The following PPP1CC variants were observed in gnomAD, a reference collection of about 807,000 sequenced individuals.
PPP1CC encodes serine/threonine-protein phosphatase PP1-gamma catalytic subunit.
In PPP1CC, 16 loss-of-function variants were observed where a neutral mutation model predicts 38.4. The ratio of observed to expected loss-of-function variants is 0.42; its 90% CI spans 0.28 to 0.63. PPP1CC has a LOEUF of 0.63. PPP1CC is among the 30% of genes least tolerant of loss of function. PPP1CC has a pLI of 0.25. For synonymous variants in PPP1CC, 158 were observed against 136.0 expected, an observed-to-expected ratio of 1.16 and a Z score of -1.13; for missense variants, 170 against 391.3, an observed-to-expected ratio of 0.43 and a Z score of 4.77.
intron 3 of PPP1CC, among the ~76,000 whole-genome samples, chr12:110,726,883 C>T (rs1030482856): frequency 2.6e-5 from 4 of 152,196 alleles, no homozygotes; most frequent in South Asian, 2.1e-4. Context: ...AAAAACAGAG[C>T]TGCTGTCTTA....
At chr12:110,736,905 A>T (rs1354182110) in intron 1 of PPP1CC, among the ~76,000 whole-genome samples, 3 of 152,238 alleles carry the variant, frequency 2.0e-5, no homozygotes, top group Non-Finnish European at 4.4e-5. Flanking sequence ...GCTGAATTCT[A>T]ATGAAGTTTC....
intron 4 of PPP1CC, among the ~76,000 whole-genome samples, chr12:110,724,238 AAAAAACAAAAAC>A (rs1164158743): frequency 6.6e-6 from 1 of 151,930 alleles, no homozygotes; most frequent in East Asian, 1.9e-4. Context: ...ACTCTGTCTC[AAAAAACAAAAAC>A]AAAAACAAAA....
intron 1 of PPP1CC, among the ~76,000 whole-genome samples, chr12:110,737,494 A>AG (rs2069959049): frequency 4.0e-5 from 6 of 150,694 alleles, no homozygotes; most frequent in African/African-American, 1.2e-4. Flanking sequence ...AAAAAAAAAA[A>AG]AAAAAAAGAA....
chr12:110,710,561 A>T, the PPP1CC span, among the ~76,000 whole-genome samples: 1 of 151,710 alleles, frequency 6.6e-6, no homozygotes, highest in African/African-American at 2.4e-5. Flanking sequence ...TACTAAAAAT[A>T]CAAAAAATTA....
chr12:110,730,807 A>G (rs1014329428), intron 2 of PPP1CC, 48 bp from the exon 3 acceptor site: 26 of 1,243,564 alleles, frequency 2.1e-5, no homozygotes, highest in Non-Finnish European at 2.7e-5. Flanking sequence ...TTAAAGCTCA[A>G]TCCACTAACA....
chr12:110,739,478 A>G (rs1478374531), intron 1 of PPP1CC, among the ~76,000 whole-genome samples: 1 of 152,002 alleles, frequency 6.6e-6, no homozygotes, highest in Non-Finnish European at 1.5e-5. Flanking sequence ...AACGTTTTAT[A>G]CTGCATCAAA....
At chr12:110,730,064 G>A (rs2069854441) in intron 3 of PPP1CC, among the ~76,000 whole-genome samples, 1 of 152,176 alleles carries the variant, frequency 6.6e-6, no homozygotes, top group Admixed American at 6.5e-5. Context: ...TTCTACCCAA[G>A]AGAGAAAAAA....
intron 4 of PPP1CC, among the ~76,000 whole-genome samples, 171 bp downstream of exon 4, chr12:110,724,489 A>G (rs2069773314): frequency 6.6e-6 from 1 of 152,216 alleles, no homozygotes; most frequent in Non-Finnish European, 1.5e-5. Flanking sequence ...ATTCCTTAAG[A>G]TTTTTATCCA....
rs866333472 is a variant in PPP1CC, at chr12:110,720,186, G to A, written c.*890C>T. The A allele has an allele frequency of 6.4e-6, 10 of 1,553,616 alleles. No homozygotes were observed. Among genetic ancestry groups the A allele is most frequent in the East Asian group, 2.3e-5 (1 of 43,078 alleles). On this transcript the variant is annotated 3_prime_UTR_variant, in exon 7 of 7. Coordinates refer to ENST00000335007, the MANE Select transcript of PPP1CC (RefSeq NM_002710.4). ...ATAATTTGAAGCTTTCTGAATGGAC[G>A]GGTTCAGGCCTGATGCAACTGTAAA...
chr12:110,711,400 T>C, the PPP1CC span, among the ~76,000 whole-genome samples: 1 of 151,474 alleles, frequency 6.6e-6, no homozygotes, highest in Non-Finnish European at 1.5e-5. Context: ...ATAAATAAAT[T>C]GGCAAAATTT....
chr12:110,728,171 G>A (rs569761859), intron 3 of PPP1CC, among the ~76,000 whole-genome samples: 1 of 151,950 alleles, frequency 6.6e-6, no homozygotes, highest in African/African-American at 2.4e-5. Context: ...AAGCAGAGGC[G>A]GGCGGATCAT....
chr12:110,730,552 C>T lies in PPP1CC; in HGVS notation c.395G>A (p.Arg132Lys). Reference protein sequence around the residue: ...RGNHECASINRIYGFYDECKR... With the variant: ...RGNHECASINKIYGFYDECKR... ...ACATTCATCATAAAATCCATAAATT[C>T]TGTTGATGCTGGCACATTCATGGTT... Residue 132 changes from arginine (R) to lysine (K), a missense_variant, in exon 3 of 7, where the codon AGA (arginine) becomes AAA (lysine). This residue lies in a region of PPP1CC where 117 missense variants were observed against 344.4 expected (regional missense o/e 0.34). Transcript: ENST00000335007. The T allele has an allele frequency of 6.2e-7, 1 of 1,609,614 alleles. No individual in the cohort carries two copies. Among genetic ancestry groups the T allele is most frequent in the Non-Finnish European group, 8.5e-7 (1 of 1,178,556 alleles).
chr12:110,719,469 T>C (rs896965476), downstream of PPP1CC, among the ~76,000 whole-genome samples: 1 of 152,158 alleles, frequency 6.6e-6, no homozygotes, highest in Admixed American at 6.5e-5. Flanking sequence ...TTAAGATACA[T>C]ACTTGTGACA....
intron 1 of PPP1CC, among the ~76,000 whole-genome samples, chr12:110,733,797 A>G (rs963125568): frequency 1.3e-5 from 2 of 152,170 alleles, no homozygotes; most frequent in African/African-American, 4.8e-5. Context: ...TACTCTTAAT[A>G]TTAAGATTAG....
intron 4 of PPP1CC, among the ~76,000 whole-genome samples, chr12:110,724,009 C>T (rs1177620228): frequency 2.0e-5 from 3 of 151,952 alleles, no homozygotes; most frequent in East Asian, 3.9e-4. Flanking sequence ...GAGGCCGAGG[C>T]GGGCAGATCA....
chr12:110,736,593 G>A (rs759491924), intron 1 of PPP1CC, among the ~76,000 whole-genome samples: 13 of 152,060 alleles, frequency 8.5e-5, no homozygotes, highest in Non-Finnish European at 1.8e-4. Flanking sequence ...GCATTGAGCC[G>A]AGATCATGCC....
Position 110,720,761 on chromosome 12 carries a change from TAA to T in PPP1CC, c.*313_*314del, listed in dbSNP as rs1389470807. 4.2e-6 allele frequency: 1 copy of T among 236,134 alleles called. No homozygotes were observed. Among genetic ancestry groups the T allele is most frequent in the Non-Finnish European group, 8.3e-6 (1 of 120,462 alleles). 14.6% of individuals were successfully genotyped at this position (236,134 alleles called of 1,614,324 possible). On this transcript the variant is annotated 3_prime_UTR_variant, in exon 7 of 7. Coordinates refer to ENST00000335007, the MANE Select transcript of PPP1CC (RefSeq NM_002710.4). ...TACATGATTATGGGTTGTACTGAAT[TAA>T]AAAAGATCAATTGTACACTTACTCC...
At chr12:110,711,867 G>C in the PPP1CC span, among the ~76,000 whole-genome samples, 10 of 152,036 alleles carry the variant, frequency 6.6e-5, no homozygotes, top group African/African-American at 2.2e-4. Flanking sequence ...GGAGGTTGCA[G>C]TGAGCCGAGA....
At chr12:110,728,041 T>G (rs1457708288) in intron 3 of PPP1CC, among the ~76,000 whole-genome samples, 2 of 152,222 alleles carry the variant, frequency 1.3e-5, no homozygotes, top group African/African-American at 4.8e-5. Flanking sequence ...CAACTGGATT[T>G]GAATTCATCA....
Sources: gnomAD v4.1 joint callset for allele counts (sites outside exome capture counted in the v4.1 genomes callset) on GRCh38, gnomAD v4.1.1 for gene constraint, gnomAD v4.1.1 regional missense constraint, MANE v1.5 for transcripts, NCBI Gene and HGNC (gene_info 2026-07-23, HGNC 2026-07-21) for gene names.